The following PDE10A variants were observed in gnomAD, a reference collection of about 807,000 sequenced individuals.
PDE10A encodes the protein cAMP and cAMP-inhibited cGMP 3',5'-cyclic phosphodiesterase 10A.
In PDE10A, 39 loss-of-function variants were observed where a neutral mutation model predicts 97.7. The observed-to-expected ratio is 0.40, with a 90% CI of 0.31 to 0.52. The LOEUF (loss-of-function observed/expected upper bound fraction) is 0.52. Ranked by LOEUF, PDE10A falls within the 20% of genes least tolerant of loss-of-function variation. The probability of loss-of-function intolerance (pLI) is 0.56; values close to 1 mark genes in which losing one functional copy is unlikely to be tolerated. For missense variants in PDE10A, 731 were observed against 1,047.8 expected (o/e 0.70, Z 4.17); for synonymous variants, 371 against 376.8 (o/e 0.98, Z 0.18).
At chr6:165,726,998 C>G (rs1031205770) in intron 1 of PDE10A, among the ~76,000 whole-genome samples, 14 of 152,220 alleles carry the variant, frequency 9.2e-5, no homozygotes, top group Non-Finnish European at 2.1e-4. Context: ...CCCGTGTCCA[C>G]CCTCCTCGCG....
intron 1 of PDE10A, among the ~76,000 whole-genome samples, chr6:165,846,982 C>G (rs1440236870): frequency 2.0e-5 from 3 of 152,232 alleles, no homozygotes; most frequent in Non-Finnish European, 2.9e-5. Context: ...GCAGAAATCT[C>G]TGGCCTTTGG....
At chr6:165,698,049 T>A (rs1562691093) in intron 1 of PDE10A, among the ~76,000 whole-genome samples, 1 of 152,170 alleles carries the variant, frequency 6.6e-6, no homozygotes, top group Non-Finnish European at 1.5e-5. Context: ...ATTTATGAAA[T>A]CAATACCATG....
At chr6:165,524,626 G>A in intron 2 of PDE10A, among the ~76,000 whole-genome samples, 1 of 152,016 alleles carries the variant, frequency 6.6e-6, no homozygotes, top group East Asian at 1.9e-4. Context: ...CCTGGCTTCA[G>A]AAGCAGATAC....
At chr6:165,681,954 G>A (rs1000319944) in intron 1 of PDE10A, among the ~76,000 whole-genome samples, 1 of 152,178 alleles carries the variant, frequency 6.6e-6, no homozygotes, top group East Asian at 1.9e-4. Context: ...AGGAGGGTAG[G>A]ATGCCTCACA....
intron 1 of PDE10A, among the ~76,000 whole-genome samples, chr6:165,784,926 G>A (rs903998875): frequency 3.9e-5 from 6 of 152,202 alleles, no homozygotes; most frequent in African/African-American, 1.2e-4. Flanking sequence ...TGGGGAACTG[G>A]TTTTCACAGA....
At chr6:165,767,298 A>G (rs1372070844) in intron 1 of PDE10A, among the ~76,000 whole-genome samples, 2 of 152,254 alleles carry the variant, frequency 1.3e-5, no homozygotes, top group Non-Finnish European at 2.9e-5. Flanking sequence ...TAATACATAT[A>G]CCATAAAATT....
chr6:165,420,087 T>C (rs1788589842), intron 10 of PDE10A, among the ~76,000 whole-genome samples: 1 of 152,180 alleles, frequency 6.6e-6, no homozygotes, highest in Non-Finnish European at 1.5e-5. Context: ...CCTTAGCCTG[T>C]GAGCTACAGA....
At chr6:165,764,047 T>C (rs1167544864) in intron 1 of PDE10A, among the ~76,000 whole-genome samples, 1 of 152,226 alleles carries the variant, frequency 6.6e-6, no homozygotes, top group East Asian at 1.9e-4. Flanking sequence ...CACAAAACAC[T>C]GCCTTTACAT....
intron 1 of PDE10A, among the ~76,000 whole-genome samples, chr6:165,976,777 C>T (rs1483404355): frequency 1.3e-5 from 2 of 152,238 alleles, no homozygotes; most frequent in Admixed American, 1.3e-4. Flanking sequence ...CACACCAGCT[C>T]ACAATAACTG....
At chr6:165,507,264 C>G (rs1781250517) in intron 2 of PDE10A, among the ~76,000 whole-genome samples, 1 of 151,986 alleles carries the variant, frequency 6.6e-6, no homozygotes, top group African/African-American at 2.4e-5. Flanking sequence ...TCACTTTGTT[C>G]CTGCAATCAA....
At chr6:165,899,670 G>T (rs1265324915) in intron 1 of PDE10A, among the ~76,000 whole-genome samples, 2 of 152,302 alleles carry the variant, frequency 1.3e-5, no homozygotes, top group South Asian at 2.1e-4. Context: ...AGCCCTAAAG[G>T]GTGGTACCTG....
intron 1 of PDE10A, among the ~76,000 whole-genome samples, chr6:165,833,125 T>C (rs1779970964): frequency 6.6e-6 from 1 of 152,252 alleles, no homozygotes; most frequent in Admixed American, 6.5e-5. Flanking sequence ...TTTCAGTTTA[T>C]AAAATGACAT....
intron 1 of PDE10A, among the ~76,000 whole-genome samples, chr6:165,689,890 A>G (rs1407349090): frequency 1.3e-5 from 2 of 152,228 alleles, no homozygotes; most frequent in Admixed American, 6.5e-5. Context: ...TGCAATGTCC[A>G]GTTCTGCCAC....
Position 165,432,978 on chromosome 6 carries a change from T to C in PDE10A, c.1487A>G (p.Gln496Arg). The change falls in exon 7 of 22, where the codon CAG becomes CGG. Residue 496 changes from glutamine to arginine, a missense_variant. By Grantham distance (43) the Gln-to-Arg change is conservative. Around this residue, in one of 8 missense-constraint regions of PDE10A, gnomAD observed 152 missense variants for 199.3 expected, o/e 0.76. Transcript: ENST00000539869. ...TGCAGCATTTAAAGGCCTTACCTCC[T>C]GGTGACTAAGACAGAAGGCTTCTTT... ...WGKEAFCLSH[Q>R]EVATANLAWA... is the part of the protein sequence containing the mutation. 1 of 1,613,500 alleles carries C rather than the reference T, an allele frequency of 6.2e-7. No individual in the cohort carries two copies. Among genetic ancestry groups the C allele is most frequent in the Non-Finnish European group, 8.5e-7 (1 of 1,179,700 alleles).
intron 1 of PDE10A, among the ~76,000 whole-genome samples, chr6:165,601,730 T>C (rs1201644142): frequency 6.6e-6 from 1 of 152,228 alleles, no homozygotes; most frequent in East Asian, 1.9e-4. Context: ...GAAGTTTTCA[T>C]TTATTTGCTC....
In PDE10A at chr6:165,542,198, C is replaced by T. The variant is rs542508758; in HGVS notation, c.994+1242G>A. Among the ~76,000 whole-genome samples, 4 of 152,124 alleles carry T rather than the reference C, an allele frequency of 2.6e-5. No individual in the cohort carries two copies. The East Asian group carries it at 7.7e-4, about 29-fold the overall frequency. ...AAAGTATAATTTAAAAAAAGTTGAA[C>T]AGTCAAAAACACATATAAAATTGTC... On this transcript the variant is annotated intron_variant, in intron 2 of 21. Coordinates refer to ENST00000539869, the MANE Select transcript of PDE10A (RefSeq NM_001385079.1).
At chr6:165,852,927 G>A (rs917314623) in intron 1 of PDE10A, among the ~76,000 whole-genome samples, 11 of 152,216 alleles carry the variant, frequency 7.2e-5, no homozygotes, top group South Asian at 2.1e-4. Flanking sequence ...TGCCTCCTGC[G>A]ATCTGGTTTG....
chr6:165,738,526 C>G (rs966561374), intron 1 of PDE10A, among the ~76,000 whole-genome samples: 6 of 151,838 alleles, frequency 4.0e-5, no homozygotes, highest in Non-Finnish European at 8.8e-5. Flanking sequence ...GGGTATATAC[C>G]CAGTAATGGG....
intron 3 of PDE10A, among the ~76,000 whole-genome samples, chr6:165,477,094 T>TC (rs1196007103): frequency 1.3e-5 from 2 of 151,824 alleles, no homozygotes; most frequent in South Asian, 2.1e-4. Context: ...ATCCCTCAAA[T>TC]CCCCCCCAGC....
Sources: gnomAD v4.1 joint callset for allele counts (sites outside exome capture counted in the v4.1 genomes callset) on GRCh38, gnomAD v4.1.1 for gene constraint, gnomAD v4.1.1 regional missense constraint, MANE v1.5 for transcripts, NCBI Gene and HGNC (gene_info 2026-07-23, HGNC 2026-07-21) for gene names.